Variants in EXOC4 observed in about 807,000 individuals in gnomAD.
EXOC4 encodes the protein SEC8-like 1.
Under a neutral mutation model 107.2 loss-of-function variants are expected in EXOC4, and 71 were observed. The observed-to-expected ratio is 0.66, with a 90% CI of 0.55 to 0.81. EXOC4 has a LOEUF of 0.81. Among genes scored for constraint, EXOC4 ranks in the 30% least tolerant of loss-of-function variants. The pLI is 0.00. For missense variants in EXOC4, 1,108 were observed against 1,189.6 expected, an observed-to-expected ratio of 0.93 and a Z score of 1.01; for synonymous variants, 456 against 441.2, an observed-to-expected ratio of 1.03 and a Z score of -0.42.
chr7:133,719,635 A>T (rs1795066262), intron 10 of EXOC4, among the ~76,000 whole-genome samples: 1 of 151,950 alleles, frequency 6.6e-6, no homozygotes, highest in Non-Finnish European at 1.5e-5. Context: ...TTAGCATTGC[A>T]AAAAAGAGTT....
At chr7:134,014,669 T>C (rs930020451) in intron 17 of EXOC4, among the ~76,000 whole-genome samples, 1 of 152,050 alleles carries the variant, frequency 6.6e-6, no homozygotes. Flanking sequence ...TGGGGGGTGA[T>C]GAAAATGCAC....
At chr7:133,429,250 C>T (rs1191216176) in intron 7 of EXOC4, among the ~76,000 whole-genome samples, 1 of 151,964 alleles carries the variant, frequency 6.6e-6, no homozygotes, top group Non-Finnish European at 1.5e-5. Flanking sequence ...TATTTTGGAT[C>T]TAAAATAAGG....
intron 9 of EXOC4, among the ~76,000 whole-genome samples, chr7:133,559,779 T>G (rs1009112373): frequency 6.6e-6 from 1 of 152,220 alleles, no homozygotes. Flanking sequence ...TCTTTCTCAC[T>G]GTACACTTTT....
intron 7 of EXOC4, among the ~76,000 whole-genome samples, chr7:133,398,162 C>T (rs1222707652): frequency 1.3e-5 from 2 of 152,154 alleles, no homozygotes; most frequent in African/African-American, 4.8e-5. Flanking sequence ...GGCTGACAGG[C>T]ACCTATACCT....
intron 10 of EXOC4, among the ~76,000 whole-genome samples, chr7:133,740,519 A>G (rs1795542206): frequency 6.6e-6 from 1 of 152,192 alleles, no homozygotes; most frequent in South Asian, 2.1e-4. Flanking sequence ...AAACACTCCA[A>G]CACTGTTGGG....
chr7:134,048,951 G>C (rs891095316), intron 17 of EXOC4, among the ~76,000 whole-genome samples: 1 of 63,820 alleles, frequency 1.6e-5, no homozygotes, highest in South Asian at 5.2e-4. Flanking sequence ...AGCTGGAAAG[G>C]TCTTTCTAAA....
At chr7:133,744,352 A>C (rs1234503097) in intron 10 of EXOC4, among the ~76,000 whole-genome samples, 1 of 152,156 alleles carries the variant, frequency 6.6e-6, no homozygotes, top group Non-Finnish European at 1.5e-5. Context: ...TTGTTAATCA[A>C]AAGTGAGTAA....
intron 17 of EXOC4, among the ~76,000 whole-genome samples, chr7:134,015,443 G>A (rs1215523032): frequency 2.0e-5 from 3 of 152,256 alleles, no homozygotes; most frequent in South Asian, 2.1e-4. Flanking sequence ...TGTCCTGTAC[G>A]TAACTGAAGG....
In EXOC4 at chr7:133,592,749, C is replaced by T. The variant is rs200737944; in HGVS notation, c.1418-37296C>T. 1.8e-4 allele frequency among the ~76,000 whole-genome samples: 28 copies of T among 152,246 alleles called. No homozygotes were observed. The East Asian group carries it at 4.7e-3, about 25-fold the overall frequency. ...TCCCGAGTAGCTGGGATTACAGCCACGCACCACCATGCCCAGCTAATTTTT... is the reference window on the plus strand; with the variant it reads ...TCCCGAGTAGCTGGGATTACAGCCATGCACCACCATGCCCAGCTAATTTTT... On this transcript the variant is annotated intron_variant, in intron 9 of 17. Coordinates refer to ENST00000253861, the MANE Select transcript of EXOC4 (RefSeq NM_021807.4).
chr7:133,278,890 A>G (rs1197392892), intron 2 of EXOC4, among the ~76,000 whole-genome samples: 5 of 152,062 alleles, frequency 3.3e-5, no homozygotes, highest in African/African-American at 1.2e-4. Context: ...ACATATGTAT[A>G]CATGTGCCAT....
chr7:133,823,284 T>C (rs537482078), intron 11 of EXOC4, among the ~76,000 whole-genome samples: 10 of 152,304 alleles, frequency 6.6e-5, no homozygotes, highest in Non-Finnish European at 1.5e-5. Context: ...TTTCCACTTA[T>C]ATCTGCAGAC....
chr7:133,777,269 G>T (rs1796363642), intron 10 of EXOC4, among the ~76,000 whole-genome samples: 1 of 3,948 alleles, frequency 2.5e-4, no homozygotes. Context: ...CTTAGTCTAA[G>T]AGAGAGAGAA....
intron 10 of EXOC4, among the ~76,000 whole-genome samples, chr7:133,643,131 C>T (rs375286904): frequency 6.6e-6 from 1 of 152,136 alleles, no homozygotes; most frequent in Non-Finnish European, 1.5e-5. Flanking sequence ...ATGTATTAGT[C>T]AGGGTTCTCT....
chr7:133,843,587 G>C (rs1798064439), intron 11 of EXOC4, among the ~76,000 whole-genome samples: 1 of 152,090 alleles, frequency 6.6e-6, no homozygotes. Flanking sequence ...GAATTTTCTA[G>C]GAATAGAATC....
chr7:133,580,262 T>C (rs1253831484), intron 9 of EXOC4, among the ~76,000 whole-genome samples: 1 of 152,238 alleles, frequency 6.6e-6, no homozygotes, highest in East Asian at 1.9e-4. Context: ...TTTGGGTTGC[T>C]TTCAGCTTTT....
At chr7:133,738,643 T>A (rs1795498097) in intron 10 of EXOC4, among the ~76,000 whole-genome samples, 1 of 152,224 alleles carries the variant, frequency 6.6e-6, no homozygotes, top group Admixed American at 6.5e-5. Flanking sequence ...TTTGGAGTTT[T>A]GAAAACATCA....
chr7:133,685,055 C>G (rs939515799), intron 10 of EXOC4, among the ~76,000 whole-genome samples: 4 of 152,186 alleles, frequency 2.6e-5, no homozygotes, highest in Non-Finnish European at 5.9e-5. Flanking sequence ...GGCCTTTGTT[C>G]TTCCCATGGA....
At chr7:133,531,996 A>G (rs1468262085) in intron 9 of EXOC4, among the ~76,000 whole-genome samples, 6 of 152,048 alleles carry the variant, frequency 3.9e-5, no homozygotes, top group Admixed American at 3.9e-4. Flanking sequence ...TTTGTTTTTT[A>G]TATACATAGC....
chr7:133,787,333 ATT>A (rs1491424401), intron 10 of EXOC4, among the ~76,000 whole-genome samples: 96 of 119,124 alleles, frequency 8.1e-4, no homozygotes, highest in Non-Finnish European at 1.3e-3. Context: ...CAATAGGCTA[ATT>A]TGTGTGTGTG....
Sources: gnomAD v4.1 joint callset for allele counts (sites outside exome capture counted in the v4.1 genomes callset) on GRCh38, gnomAD v4.1.1 for gene constraint, MANE v1.5 for transcripts, NCBI Gene and HGNC (gene_info 2026-07-23, HGNC 2026-07-21) for gene names.